ATG2A: variants seen among roughly 807,000 people sequenced by gnomAD.
ATG2A encodes autophagy-related protein 2 homolog A.
Under a neutral mutation model 214.2 loss-of-function variants are expected in ATG2A, and 103 were observed. The ratio of observed to expected loss-of-function variants is 0.48; its 90% CI spans 0.41 to 0.57. The LOEUF (loss-of-function observed/expected upper bound fraction) is 0.57. ATG2A is among the 20% of genes least tolerant of loss of function. The pLI is 0.00. For synonymous variants in ATG2A, 1,160 were observed against 1,142.1 expected (o/e 1.02, Z -0.32); for missense variants, 2,312 against 2,613.2 (o/e 0.88, Z 2.51).
At chr11:64,907,971 C>G (rs1944619230) in intron 16 of ATG2A, 81 bp from the exon 17 acceptor site, 1 of 1,485,872 alleles carries the variant, frequency 6.7e-7, no homozygotes, top group Non-Finnish European at 9.2e-7. Flanking sequence ...CAGTCCTGCC[C>G]TCCTGTCGTT....
In ATG2A at chr11:64,895,140, C is replaced by T; in HGVS notation, c.5650G>A (p.Gly1884Ser). 23 of 1,613,174 alleles carry T rather than the reference C, an allele frequency of 1.4e-5. No homozygotes were observed. The highest frequency in any genetic ancestry group is 1.9e-5 in the Non-Finnish European group (22 of 1,179,782). ...TGGCGGATCACGCCCCCCACGGCGC[C>T]CGTCAGCCCCTTCTGCTCATGGCCC... is the stretch of plus-strand genomic sequence containing the variant. ...SRGHEQKGLTGAVGGVIRQLP... is the reference protein window; with the variant it reads ...SRGHEQKGLTSAVGGVIRQLP... The change falls in exon 41 of 41, where the codon GGC becomes AGC. Residue 1884 changes from glycine to serine, a missense_variant. Gly to Ser is a moderately conservative substitution (Grantham distance 56). Coordinates refer to ENST00000377264, the MANE Select transcript of ATG2A (RefSeq NM_015104.3). The surrounding 1 kb of genome is among the most constrained non-coding windows in gnomAD (Gnocchi z 5.0).
At chr11:64,912,942 A>G in intron 6 of ATG2A, 96 bp downstream of exon 6, 1 of 904,720 alleles carries the variant, frequency 1.1e-6, no homozygotes. Context: ...CCCGCACTTG[A>G]CATCCCCACT....
rs1211653806 is a variant in ATG2A, at chr11:64,917,091, C to T, written c.45G>A (p.Arg15=). The change falls in exon 1 of 41, where the codon CGG becomes CGA. Residue 15 remains arginine (R), a synonymous_variant. Coordinates refer to ENST00000377264, the MANE Select transcript of ATG2A (RefSeq NM_015104.3). ...LWPWSNCVKE[R]VCRYLLHHYL... is the part of the protein sequence containing the mutation. ...AGTGGTGCAGCAAGTAGCGGCAGAC[C>T]CGCTCTTTCACACAGTTTGACCATG... 6.2e-7 allele frequency: 1 copy of T among 1,613,318 alleles called. No individual in the cohort carries two copies. The highest frequency in any genetic ancestry group is 2.2e-5 in the East Asian group (1 of 44,850).
chr11:64,904,103 G>A (rs531408407), intron 24 of ATG2A, among the ~76,000 whole-genome samples: 1 of 151,878 alleles, frequency 6.6e-6, no homozygotes, highest in African/African-American at 2.4e-5. Context: ...AATATTAGCC[G>A]AGCATGGTGG....
rs952549291 is a variant in ATG2A at position 64,917,195 on chromosome 11, G to T, written c.-60C>A. ...GCCGCCCGCCGGCGATCCCCGTCCGGCTCCGCTGTTCACTAGAGCCCCCGG... is the reference window on the plus strand; with the variant it reads ...GCCGCCCGCCGGCGATCCCCGTCCGTCTCCGCTGTTCACTAGAGCCCCCGG... On this transcript the variant is annotated 5_prime_UTR_variant, in exon 1 of 41. Transcript: ENST00000377264. The T allele has an allele frequency of 1.3e-6, 2 of 1,523,358 alleles. No individual in the cohort carries two copies. Among genetic ancestry groups the T allele is most frequent in the Non-Finnish European group, 1.8e-6 (2 of 1,132,418 alleles). 94.4% of individuals were successfully genotyped at this position (1,523,358 alleles called of 1,614,324 possible).
chr11:64,906,083 G>A (rs1310166183), intron 22 of ATG2A, 30 bp downstream of exon 22: 3 of 1,553,010 alleles, frequency 1.9e-6, no homozygotes, highest in Non-Finnish European at 2.6e-6. Context: ...GAGTCACTGG[G>A]CCATGTGGCT....
Position 64,901,224 on chromosome 11 carries a change from C to T in ATG2A, c.4120-132G>A, listed in dbSNP as rs1418956132. 3 of 926,204 alleles carry T rather than the reference C, an allele frequency of 3.2e-6. No homozygotes were observed. In the African/African-American group the frequency reaches 5.1e-5, roughly 16 times the overall value. The allele number at this position is 926,204 out of a possible 1,614,324, so 57.4% of individuals were successfully genotyped here. A position where few individuals can be genotyped will look rare whatever the true frequency, so the allele number is the denominator to read the frequency against. ...GACAGGGTCGGGTCATGTTCGGTCACCCAGGCTGGAGTGCAGTGGCACAAT... is the reference window on the plus strand; with the variant it reads ...GACAGGGTCGGGTCATGTTCGGTCATCCAGGCTGGAGTGCAGTGGCACAAT... On this transcript the variant is annotated intron_variant, in intron 29 of 40. Transcript: ENST00000377264.
chr11:64,910,557 G>T, intron 12 of ATG2A, 59 bp downstream of exon 12: 1 of 1,535,732 alleles, frequency 6.5e-7, no homozygotes, highest in South Asian at 1.2e-5. Flanking sequence ...CCTGGCAGAG[G>T]CCAGGGTGGG....
At chr11:64,906,947 G>A in intron 19 of ATG2A, 132 bp from the exon 20 acceptor site, 8 of 1,144,352 alleles carry the variant, frequency 7.0e-6, no homozygotes, top group Non-Finnish European at 9.6e-6. Context: ...GCTGCTGGAG[G>A]CCCTGGATGG....
At position 64,909,767 on chromosome 11, in the gene ATG2A, C is replaced by T. The variant is rs760815853; in HGVS notation, c.2021G>A (p.Ser674Asn). ...AAGCTCTGACCGGAACTGGGGCTCA[C>T]TCAGCTCCAGCCGAAGCTGCTCAGC... is the stretch of plus-strand genomic sequence containing the variant. ...VRAEQLRLEL[S>N]EPQFRSELSS... Residue 674 changes from serine to asparagine, a missense_variant, in exon 14 of 41, where the codon AGT becomes AAT. Transcript: ENST00000377264. 17 of 1,612,878 alleles carry T rather than the reference C, an allele frequency of 1.1e-5. No homozygotes were observed. Among genetic ancestry groups the T allele is most frequent in the East Asian group, 2.2e-5 (1 of 44,884 alleles).
Position 64,903,687 on chromosome 11 carries a change from C to A in ATG2A, c.3465-27G>T, listed in dbSNP as rs370161077. 1,071 of 1,543,218 alleles carry A rather than the reference C, an allele frequency of 6.9e-4. 1 individual carries two copies. The highest frequency in any genetic ancestry group is 8.5e-4 in the Non-Finnish European group (968 of 1,142,236). Reference sequence around the variant, plus strand: ...TGGGGGGGAACAGGGCTGAGAAGGGCCCGGGCACCGCTGCAGGGGGCAGCT... The same window carrying A: ...TGGGGGGGAACAGGGCTGAGAAGGGACCGGGCACCGCTGCAGGGGGCAGCT... On this transcript the variant is annotated intron_variant, in intron 24 of 40. Coordinates refer to ENST00000377264, the MANE Select transcript of ATG2A (RefSeq NM_015104.3). This position sits in a 1 kb window ranked among gnomAD's most constrained non-coding sequence, Gnocchi z 4.2.
Position 64,903,772 on chromosome 11 carries a change from C to T in ATG2A, c.3465-112G>A. On this transcript the variant is annotated intron_variant, in intron 24 of 40. Transcript: ENST00000377264. The surrounding 1 kb of genome is among the most constrained non-coding windows in gnomAD (Gnocchi z 4.2). ...AGGAGGTGGTATGGACAGGCCCCTC[C>T]AGCCTCAGCGTTCCTGCCTGCACAA... is the stretch of plus-strand genomic sequence containing the variant. 9.6e-7 allele frequency: 1 copy of T among 1,045,744 alleles called. No individual in the cohort carries two copies. Among genetic ancestry groups the T allele is most frequent in the Non-Finnish European group, 1.4e-6 (1 of 730,320 alleles). The allele number at this position is 1,045,744 out of a possible 1,614,324, so 64.8% of individuals were successfully genotyped here.
rs370969081 is a variant in ATG2A, at chr11:64,909,799, G to A, written c.1989C>T (p.Ala663=). 83 of 1,611,918 alleles carry A rather than the reference G, an allele frequency of 5.1e-5. No homozygotes were observed. Among genetic ancestry groups the A allele is most frequent in the African/African-American group, 8.0e-5 (6 of 74,940 alleles). ...CCAGCCGAAGCTGCTCAGCCCGCAC[G>A]GCCTGGCCCGCCCAGGGGTCCGGCT... is the stretch of plus-strand genomic sequence containing the variant. ...RPEPDPWAGQ[A]VRAEQLRLEL... is the part of the protein sequence containing the mutation. Residue 663 remains alanine, a synonymous_variant, in exon 14 of 41, where the codon GCC becomes GCT. Coordinates refer to ENST00000377264, the MANE Select transcript of ATG2A (RefSeq NM_015104.3).
chr11:64,903,749 G>T lies in ATG2A; in HGVS notation c.3465-89C>A. On this transcript the variant is annotated intron_variant, in intron 24 of 40. Coordinates refer to ENST00000377264, the MANE Select transcript of ATG2A (RefSeq NM_015104.3). The surrounding 1 kb of genome is among the most constrained non-coding windows in gnomAD (Gnocchi z 4.2). ...GAGCAGAGGGGTCCCAAGCCCACAG[G>T]AGGTGGTATGGACAGGCCCCTCCAG... 7.7e-7 allele frequency: 1 copy of T among 1,304,658 alleles called. No homozygotes were observed. Among genetic ancestry groups the T allele is most frequent in the Non-Finnish European group, 1.1e-6 (1 of 945,590 alleles). The allele number at this position is 1,304,658 out of a possible 1,614,324, so 80.8% of individuals were successfully genotyped here. A position where few individuals can be genotyped will look rare whatever the true frequency, so the allele number is the denominator to read the frequency against.
chr11:64,898,716 G>A lies in ATG2A; in HGVS notation c.4591C>T (p.Arg1531Trp), dbSNP rs779061821. ...FIVQELEVRD[R>W]LASSQINKFL... is the part of the protein sequence containing the mutation. ...TTGTTGATCTGGGAGGAGGCGAGCC[G>A]GTCTCGGACCTCCAGCTCCTGCACG... Residue 1531 changes from arginine (R) to tryptophan (W), a missense_variant, in exon 32 of 41, where the codon CGG becomes TGG. Coordinates refer to ENST00000377264, the MANE Select transcript of ATG2A (RefSeq NM_015104.3). The surrounding 1 kb of genome is among the most constrained non-coding windows in gnomAD (Gnocchi z 4.5). The A allele has an allele frequency of 2.1e-5, 34 of 1,613,992 alleles. No individual in the cohort carries two copies. The highest frequency in any genetic ancestry group is 2.7e-5 in the Non-Finnish European group (32 of 1,180,030).
chr11:64,903,278 C>A lies in ATG2A; in HGVS notation c.3612+10G>T, dbSNP rs1051872428. 3 of 1,612,826 alleles carry A rather than the reference C, an allele frequency of 1.9e-6. No individual in the cohort carries two copies. Among genetic ancestry groups the A allele is most frequent in the African/African-American group, 1.3e-5 (1 of 75,020 alleles). ...GTGGCTCCAGGAGCCAGAGTGACAG[C>A]CTCACTCACCAGTTTGCCCTCGGTG... On this transcript the variant is annotated intron_variant, in intron 26 of 40. Coordinates refer to ENST00000377264, the MANE Select transcript of ATG2A (RefSeq NM_015104.3). This position sits in a 1 kb window ranked among gnomAD's most constrained non-coding sequence, Gnocchi z 4.2.
chr11:64,903,486 C>T lies in ATG2A; in HGVS notation c.3535+104G>A, dbSNP rs1332936364. 4 of 1,487,332 alleles carry T rather than the reference C, an allele frequency of 2.7e-6. No individual in the cohort carries two copies. In the African/African-American group the frequency reaches 4.2e-5, roughly 16 times the overall value. The allele number at this position is 1,487,332 out of a possible 1,614,324, so 92.1% of individuals were successfully genotyped here. A position where few individuals can be genotyped will look rare whatever the true frequency, so the allele number is the denominator to read the frequency against. Reference sequence around the variant, plus strand: ...CTGCTGTGCGGGCTACGTGTGGGAGCTAAGGACCCGGCCAGCAGCTGCGGG... The same window carrying T: ...CTGCTGTGCGGGCTACGTGTGGGAGTTAAGGACCCGGCCAGCAGCTGCGGG... On this transcript the variant is annotated intron_variant, in intron 25 of 40. Coordinates refer to ENST00000377264, the MANE Select transcript of ATG2A (RefSeq NM_015104.3). The surrounding 1 kb of genome is among the most constrained non-coding windows in gnomAD (Gnocchi z 4.2).
In ATG2A at chr11:64,902,309, G is replaced by T; in HGVS notation, c.3855C>A (p.Asp1285Glu). The T allele has an allele frequency of 6.2e-7, 1 of 1,611,886 alleles. No individual in the cohort carries two copies. Among genetic ancestry groups the T allele is most frequent in the South Asian group, 1.1e-5 (1 of 90,882 alleles). ...TALINQRDLA[D>E]ALLDTERSLR... ...GGCTGCGCTCGGTGTCCAGGAGGGC[G>T]TCGGCCAGGTCACGCTGGTTGATGA... The change falls in exon 28 of 41, where the codon GAC (aspartate) becomes GAA (glutamate). Residue 1285 changes from aspartate (D) to glutamate (E), a missense_variant. Coordinates refer to ENST00000377264, the MANE Select transcript of ATG2A (RefSeq NM_015104.3).
chr11:64,903,280 TCA>T lies in ATG2A; in HGVS notation c.3612+6_3612+7del. ...GGCTCCAGGAGCCAGAGTGACAGCCTCACTCACCAGTTTGCCCTCGGTGCTCC... is the reference window on the plus strand; with the variant it reads ...GGCTCCAGGAGCCAGAGTGACAGCCTCTCACCAGTTTGCCCTCGGTGCTCC... On this transcript the variant is annotated splice_donor_region_variant and intron_variant, in intron 26 of 40. Transcript: ENST00000377264. This position sits in a 1 kb window ranked among gnomAD's most constrained non-coding sequence, Gnocchi z 4.2. The T allele has an allele frequency of 6.2e-7, 1 of 1,613,500 alleles. No homozygotes were observed.
Sources: gnomAD v4.1 joint callset for allele counts (sites outside exome capture counted in the v4.1 genomes callset) on GRCh38, gnomAD v4.1.1 for gene constraint, Gnocchi (gnomAD v3.1) non-coding constraint, MANE v1.5 for transcripts, NCBI Gene and HGNC (gene_info 2026-07-23, HGNC 2026-07-21) for gene names.